Variants in CIMIP6 observed in about 807,000 individuals in gnomAD.
The protein encoded by CIMIP6 is uncharacterized protein C2orf73.
the CIMIP6 span, among the ~76,000 whole-genome samples, chr2:54,342,180 C>A: frequency 6.6e-6 from 1 of 152,130 alleles, no homozygotes; most frequent in Non-Finnish European, 1.5e-5. Flanking sequence ...AAAGTGAAGT[C>A]CAACTCTCTC....
chr2:54,359,072 A>G, the CIMIP6 span: 2 of 1,434,498 alleles, frequency 1.4e-6, no homozygotes, highest in Admixed American at 4.1e-5. Context: ...TCTCCAGGGA[A>G]AGGTGAGGCA....
chr2:54,353,139 A>G, the CIMIP6 span, among the ~76,000 whole-genome samples: 1 of 152,218 alleles, frequency 6.6e-6, no homozygotes, highest in East Asian at 1.9e-4. Context: ...TTGTCTGAGG[A>G]TTTTTCAGAT....
chr2:54,344,300 A>G, the CIMIP6 span, among the ~76,000 whole-genome samples: 1 of 152,212 alleles, frequency 6.6e-6, no homozygotes, highest in African/African-American at 2.4e-5. Flanking sequence ...CTGAGCACAC[A>G]TATCTAAATT....
chr2:54,343,621 A>G, the CIMIP6 span: 1 of 835,778 alleles, frequency 1.2e-6, no homozygotes, highest in Non-Finnish European at 1.7e-6. Context: ...ATATCCACTA[A>G]CTTGTTAAAT....
the CIMIP6 span, among the ~76,000 whole-genome samples, chr2:54,358,316 C>G: frequency 6.6e-6 from 1 of 152,194 alleles, no homozygotes; most frequent in Non-Finnish European, 1.5e-5. Context: ...ATTTCTCATA[C>G]TCTTTCTAGT....
At chr2:54,359,435 G>A in the CIMIP6 span, among the ~76,000 whole-genome samples, 2 of 151,864 alleles carry the variant, frequency 1.3e-5, no homozygotes, top group South Asian at 2.1e-4. Context: ...TTTGGAATTT[G>A]GTCTACTTAA....
chr2:54,368,400 T>C, the CIMIP6 span, among the ~76,000 whole-genome samples: 1 of 152,264 alleles, frequency 6.6e-6, no homozygotes, highest in Admixed American at 6.5e-5. Flanking sequence ...GGAAAAGCCC[T>C]GTCAGATGTC....
At chr2:54,359,534 G>A in the CIMIP6 span, among the ~76,000 whole-genome samples, 1 of 151,976 alleles carries the variant, frequency 6.6e-6, no homozygotes, top group Non-Finnish European at 1.5e-5. Context: ...TGGAAGCTGA[G>A]GTAGGAGGAT....
the CIMIP6 span, among the ~76,000 whole-genome samples, chr2:54,335,232 T>C: frequency 6.6e-6 from 1 of 152,198 alleles, no homozygotes; most frequent in South Asian, 2.1e-4. Flanking sequence ...TCTAAGTAAT[T>C]GTTTCCCTAG....
At chr2:54,356,830 C>T in the CIMIP6 span, among the ~76,000 whole-genome samples, 20 of 152,024 alleles carry the variant, frequency 1.3e-4, no homozygotes, top group Non-Finnish European at 2.8e-4. Context: ...ATTTTATTAC[C>T]AAATGCATGC....
the CIMIP6 span, among the ~76,000 whole-genome samples, chr2:54,357,641 A>T: frequency 2.1e-5 from 3 of 145,314 alleles, no homozygotes; most frequent in African/African-American, 7.7e-5. Context: ...CAGTGGCGCG[A>T]TTTTGGCTCA....
chr2:54,348,683 ATAAAC>A, the CIMIP6 span, among the ~76,000 whole-genome samples: 7 of 152,246 alleles, frequency 4.6e-5, no homozygotes, highest in Admixed American at 3.9e-4. Context: ...AAATATGTAT[ATAAAC>A]TAGTCTATAT....
chr2:54,360,767 T>A, the CIMIP6 span: 1 of 495,858 alleles, frequency 2.0e-6, no homozygotes, highest in Non-Finnish European at 3.4e-6. Context: ...AGACATTATT[T>A]CTATGTCACA....
chr2:54,372,762 C>T, the CIMIP6 span, among the ~76,000 whole-genome samples: 2 of 152,094 alleles, frequency 1.3e-5, no homozygotes, highest in African/African-American at 4.8e-5. Context: ...TAGCTAAGGC[C>T]CCAGATTAAG....
chr2:54,337,683 A>G, the CIMIP6 span, among the ~76,000 whole-genome samples: 2 of 152,240 alleles, frequency 1.3e-5, no homozygotes, highest in Non-Finnish European at 2.9e-5. Context: ...TGTTGGAAAA[A>G]AAATGAACAA....
At chr2:54,358,183 A>AATTATGTGT in the CIMIP6 span, among the ~76,000 whole-genome samples, 1 of 152,216 alleles carries the variant, frequency 6.6e-6, no homozygotes, top group South Asian at 2.1e-4. Context: ...AAATGAAAAG[A>AATTATGTGT]ATTATGTGTT....
chr2:54,354,693 T>G, the CIMIP6 span, among the ~76,000 whole-genome samples: 1 of 152,144 alleles, frequency 6.6e-6, no homozygotes, highest in African/African-American at 2.4e-5. Flanking sequence ...GATGTCTGTT[T>G]ACTTTGCCAT....
the CIMIP6 span, chr2:54,360,096 C>G: frequency 2.2e-5 from 30 of 1,374,734 alleles, no homozygotes; most frequent in Non-Finnish European, 2.9e-5. Flanking sequence ...AGAGAAGTGC[C>G]TGCATCACTG....
chr2:54,333,010 G>A, the CIMIP6 span, among the ~76,000 whole-genome samples: 2 of 152,178 alleles, frequency 1.3e-5, no homozygotes, highest in Non-Finnish European at 2.9e-5. Context: ...TACTGGAGGG[G>A]TGGTTGAGGG....
Sources: allele counts gnomAD v4.1 joint callset (sites outside exome capture counted in the v4.1 genomes callset), GRCh38; gene constraint gnomAD v4.1.1; transcripts MANE v1.5; gene names NCBI Gene and HGNC (gene_info 2026-07-23, HGNC 2026-07-21).